Variants in PLEKHA7 observed in about 807,000 individuals in gnomAD.
PLEKHA7 encodes pleckstrin homology domain-containing family A member 7.
PLEKHA7 carries 104 observed loss-of-function variants against 170.0 expected under a neutral mutation model. The ratio of observed to expected loss-of-function variants is 0.61; its 90% CI spans 0.52 to 0.72. The LOEUF is 0.72. Ranked by LOEUF, PLEKHA7 falls within the 30% of genes least tolerant of loss-of-function variation. The pLI, the probability that PLEKHA7 is intolerant of heterozygous loss-of-function variation, is 0.00. For missense variants in PLEKHA7, 1,615 were observed against 1,671.7 expected (o/e 0.97, Z 0.59); for synonymous variants, 648 against 660.8 (o/e 0.98, Z 0.30).
chr11:16,997,770 C>T (rs12575487), intron 3 of PLEKHA7, among the ~76,000 whole-genome samples: 31,850 of 152,156 alleles, frequency 0.21, 4,242 homozygotes, highest in East Asian at 0.38. Flanking sequence ...GACAGAAGGC[C>T]GCATGCAGTT....
chr11:16,907,485 G>A lies in PLEKHA7; in HGVS notation c.222-36303C>T, dbSNP rs1225325247. On this transcript the variant is annotated intron_variant, in intron 3 of 26. Transcript: ENST00000531066. ...TGGGAAGTAAGGAGCCCCTCTGCCCGGCCAGCCGCCCCGTCCGGGAGGGAG... is the reference window on the plus strand; with the variant it reads ...TGGGAAGTAAGGAGCCCCTCTGCCCAGCCAGCCGCCCCGTCCGGGAGGGAG... Among the ~76,000 whole-genome samples the A allele has an allele frequency of 2.7e-4, 32 of 119,962 alleles. No homozygotes were observed. In the East Asian group the frequency reaches 6.3e-3, roughly 24 times the overall value. The allele number at this position is 119,962 out of a possible 152,430, so 78.7% of individuals were successfully genotyped here. A position where few individuals can be genotyped will look rare whatever the true frequency, so the allele number is the denominator to read the frequency against.
chr11:16,795,254 C>T (rs1356229626), intron 17 of PLEKHA7: 2 of 514,760 alleles, frequency 3.9e-6, no homozygotes, highest in Non-Finnish European at 7.0e-6. Flanking sequence ...AGCTTGCCTA[C>T]CTAATTTAAA....
At chr11:16,963,579 G>C (rs1039565876) in intron 3 of PLEKHA7, among the ~76,000 whole-genome samples, 1 of 152,176 alleles carries the variant, frequency 6.6e-6, no homozygotes, top group South Asian at 2.1e-4. Context: ...GCTGACTGGG[G>C]AGAGGGGCAA....
intron 9 of PLEKHA7, among the ~76,000 whole-genome samples, chr11:16,835,045 G>A (rs1851407321): frequency 6.6e-6 from 1 of 152,200 alleles, no homozygotes; most frequent in Non-Finnish European, 1.5e-5. Flanking sequence ...TGAGGTAGGT[G>A]GATCACTTGA....
intron 3 of PLEKHA7, among the ~76,000 whole-genome samples, chr11:16,907,226 C>G (rs1408357493): frequency 2.2e-5 from 2 of 91,824 alleles, no homozygotes; most frequent in African/African-American, 9.0e-5. Context: ...GTCATCCCCC[C>G]ACCTGGCCAG....
At chr11:16,854,147 G>A (rs1381344566) in intron 6 of PLEKHA7, among the ~76,000 whole-genome samples, 1 of 152,200 alleles carries the variant, frequency 6.6e-6, no homozygotes, top group African/African-American at 2.4e-5. Context: ...ATGAATGAAT[G>A]ACTGGCAAGG....
chr11:16,811,896 C>T (rs570640955), intron 13 of PLEKHA7, among the ~76,000 whole-genome samples: 1 of 152,286 alleles, frequency 6.6e-6, no homozygotes, highest in Non-Finnish European at 1.5e-5. Context: ...TAAATCTCAA[C>T]CAGCCCCAGC....
At position 17,005,436 on chromosome 11, in the gene PLEKHA7, G is replaced by A. The variant is rs192304246; in HGVS notation, c.221+8553C>T. Among the ~76,000 whole-genome samples, 330 of 152,300 alleles carry A rather than the reference G, an allele frequency of 2.2e-3. 1 individual carries two copies. The highest frequency in any genetic ancestry group is 7.8e-3 in the African/African-American group (324 of 41,546). On this transcript the variant is annotated intron_variant, in intron 3 of 26. Coordinates refer to ENST00000531066, the MANE Select transcript of PLEKHA7 (RefSeq NM_001329630.2). ...AATCCCAGCTACCCAGGAGGCTGAGGCAAGAGAATTGCTTGAACCCAGGAG... is the reference window on the plus strand; with the variant it reads ...AATCCCAGCTACCCAGGAGGCTGAGACAAGAGAATTGCTTGAACCCAGGAG...
intron 3 of PLEKHA7, among the ~76,000 whole-genome samples, chr11:16,968,704 A>G (rs1261894569): frequency 6.6e-6 from 1 of 152,216 alleles, no homozygotes; most frequent in East Asian, 1.9e-4. Flanking sequence ...AAAGCCATCC[A>G]GTACACCCAT....
rs572522447 is a variant in PLEKHA7, at chr11:17,010,337, G to A, written c.221+3652C>T. Among the ~76,000 whole-genome samples, 5 of 152,038 alleles carry A rather than the reference G, an allele frequency of 3.3e-5. No individual in the cohort carries two copies. The South Asian group carries it at 1.0e-3, about 32-fold the overall frequency. On this transcript the variant is annotated intron_variant, in intron 3 of 26. Transcript: ENST00000531066. Reference sequence around the variant, plus strand: ...ACCCAAGAGGCAGAGGTTGCAGTGAGCTGAGATCGTGCCACTGCACTCCAG... The same window carrying A: ...ACCCAAGAGGCAGAGGTTGCAGTGAACTGAGATCGTGCCACTGCACTCCAG...
chr11:16,835,987 C>G (rs1374001653), intron 9 of PLEKHA7, among the ~76,000 whole-genome samples: 1 of 152,212 alleles, frequency 6.6e-6, no homozygotes, highest in East Asian at 1.9e-4. Flanking sequence ...GGCTCCACCC[C>G]TGGTTCTCAG....
At chr11:16,870,425 T>C (rs112071972) in intron 4 of PLEKHA7, among the ~76,000 whole-genome samples, 1,837 of 152,004 alleles carry the variant, frequency 0.012, 19 homozygotes, top group Non-Finnish European at 0.016. Context: ...GCTCAGGAGT[T>C]TGAGACCAGC....
At chr11:16,857,782 G>A (rs1565025667) in intron 4 of PLEKHA7, among the ~76,000 whole-genome samples, 1 of 152,320 alleles carries the variant, frequency 6.6e-6, no homozygotes, top group South Asian at 2.1e-4. Flanking sequence ...GCAGTGGCGC[G>A]ATCTCAGTTC....
At chr11:16,863,931 C>G (rs1315142969) in intron 4 of PLEKHA7, among the ~76,000 whole-genome samples, 1 of 152,216 alleles carries the variant, frequency 6.6e-6, no homozygotes, top group Non-Finnish European at 1.5e-5. Flanking sequence ...GGTTTGAGAA[C>G]ATTTTCTGGA....
intron 3 of PLEKHA7, among the ~76,000 whole-genome samples, chr11:16,943,115 T>C (rs147847002): frequency 3.2e-4 from 48 of 152,326 alleles, no homozygotes; most frequent in African/African-American, 1.1e-3. Flanking sequence ...TGAAATATAA[T>C]GCAAGCCACA....
At position 16,834,073 on chromosome 11, in the gene PLEKHA7, C is replaced by T. The variant is rs189790278; in HGVS notation, c.872+7474G>A. 3.5e-3 allele frequency among the ~76,000 whole-genome samples: 533 copies of T among 152,184 alleles called. 3 individuals carry two copies. The highest frequency in any genetic ancestry group is 0.012 in the African/African-American group (505 of 41,498). On this transcript the variant is annotated intron_variant, in intron 9 of 26. Coordinates refer to ENST00000531066, the MANE Select transcript of PLEKHA7 (RefSeq NM_001329630.2). Reference sequence around the variant, plus strand: ...TCACCCAGGCTGGAGTGCAGTGGCGCGGTTTCGACTCACTACAACCTCCTC... The same window carrying T: ...TCACCCAGGCTGGAGTGCAGTGGCGTGGTTTCGACTCACTACAACCTCCTC...
intron 3 of PLEKHA7, among the ~76,000 whole-genome samples, chr11:16,969,300 C>T (rs1467525858): frequency 6.6e-6 from 1 of 152,090 alleles, no homozygotes; most frequent in Admixed American, 6.5e-5. Flanking sequence ...CCTAATACAG[C>T]CATATGGAAT....
At chr11:17,005,326 G>GT (rs11394581) in intron 3 of PLEKHA7, among the ~76,000 whole-genome samples, 95,912 of 151,572 alleles carry the variant, frequency 0.63, 30,984 homozygotes, top group East Asian at 0.96. Flanking sequence ...GAGGTCAGGA[G>GT]TTTGAGACCA....
intron 10 of PLEKHA7, 59 bp downstream of exon 10, chr11:16,826,061 G>C (rs1325356469): frequency 1.3e-6 from 2 of 1,520,480 alleles, no homozygotes; most frequent in Non-Finnish European, 9.0e-7. Flanking sequence ...CTAAATGACA[G>C]CTCTTGCCAC....
Sources: allele counts gnomAD v4.1 joint callset (sites outside exome capture counted in the v4.1 genomes callset), GRCh38; gene constraint gnomAD v4.1.1; transcripts MANE v1.5; gene names NCBI Gene and HGNC (gene_info 2026-07-23, HGNC 2026-07-21).